Variants in HK1 observed in about 807,000 individuals in gnomAD.
The protein encoded by HK1 is hexokinase 1, also known as hexokinase-1.
HK1 carries 28 observed loss-of-function variants against 91.6 expected under a neutral mutation model. The ratio of observed to expected loss-of-function variants is 0.31; its 90% CI spans 0.23 to 0.42. The LOEUF (loss-of-function observed/expected upper bound fraction) is 0.42, where lower values mean the gene tolerates loss of function less well. Ranked by LOEUF, HK1 falls within the 10% of genes least tolerant of loss-of-function variation. The pLI is 1.00. For synonymous variants in HK1, 430 were observed against 468.1 expected (o/e 0.92, Z 1.05); for missense variants, 770 against 1,219.8 (o/e 0.63, Z 5.49).
At chr10:69,338,710 T>C in intron 1 of HK1, 1 of 998,418 alleles carries the variant, frequency 1.0e-6, no homozygotes, top group South Asian at 1.4e-5. Context: ...TGTGTGTGTG[T>C]AAGTACTTGT....
chr10:69,310,314 G>A (rs1321604926), intron 5 of HK1, among the ~76,000 whole-genome samples: 1 of 151,444 alleles, frequency 6.6e-6, no homozygotes, highest in Non-Finnish European at 1.5e-5. Flanking sequence ...CCAGCTGCTT[G>A]GGAGGCTGAG....
At chr10:69,325,702 A>G (rs1847319045) in intron 1 of HK1, among the ~76,000 whole-genome samples, 1 of 150,630 alleles carries the variant, frequency 6.6e-6, no homozygotes, top group Non-Finnish European at 1.5e-5. Flanking sequence ...ATGCCCGGCT[A>G]ATTTTTGTAT....
chr10:69,277,342 A>G (rs1453096952), intron 1 of HK1, among the ~76,000 whole-genome samples: 1 of 152,008 alleles, frequency 6.6e-6, no homozygotes, highest in Non-Finnish European at 1.5e-5. Context: ...CTGAGGCACG[A>G]GGATTGCTTA....
At position 69,392,121 on chromosome 10, in the gene HK1, C is replaced by G. The variant is rs1024684465; in HGVS notation, c.2036-4C>G. ...GCTCCTCATTGCCCCCTCGTGTGTTCCAGGGACCGGCAGCAATGCCTGCTA... is the reference window on the plus strand; with the variant it reads ...GCTCCTCATTGCCCCCTCGTGTGTTGCAGGGACCGGCAGCAATGCCTGCTA... On this transcript the variant is annotated splice_polypyrimidine_tract_variant and splice_region_variant and intron_variant, in intron 14 of 17. Transcript: ENST00000359426. The G allele has an allele frequency of 1.9e-5, 30 of 1,614,022 alleles. No homozygotes were observed. The highest frequency in any genetic ancestry group is 2.4e-5 in the Non-Finnish European group (28 of 1,180,030).
intron 2 of HK1, among the ~76,000 whole-genome samples, chr10:69,346,551 T>C (rs1219221204): frequency 6.6e-6 from 1 of 152,066 alleles, no homozygotes; most frequent in African/African-American, 2.4e-5. Context: ...TTTTGGTATT[T>C]TGTAGAGATA....
chr10:69,364,789 G>A lies in HK1; in HGVS notation c.382G>A (p.Asp128Asn). Residue 128 changes from aspartate (D) to asparagine (N), a missense_variant, in exon 4 of 18, where the codon GAT becomes AAT. Around this residue, in one of 7 missense-constraint regions of HK1, gnomAD observed 449 missense variants for 665.1 expected, o/e 0.68. Coordinates refer to ENST00000359426, the MANE Select transcript of HK1 (RefSeq NM_000188.3). ...IVHGSGSQLF[D>N]HVAECLGDFM... ...GCTCTCATGTTTCCTTCAGCTTTTTGATCATGTTGCTGAGTGCCTGGGAGA... is the reference window on the plus strand; with the variant it reads ...GCTCTCATGTTTCCTTCAGCTTTTTAATCATGTTGCTGAGTGCCTGGGAGA... 6.2e-7 allele frequency: 1 copy of A among 1,614,130 alleles called. No homozygotes were observed.
At position 69,369,575 on chromosome 10, in the gene HK1, G is replaced by C; in HGVS notation, c.826G>C (p.Glu276Gln). The C allele has an allele frequency of 1.9e-6, 3 of 1,614,242 alleles. No individual in the cohort carries two copies. The highest frequency in any genetic ancestry group is 2.5e-6 in the Non-Finnish European group (3 of 1,180,048). The change falls in exon 7 of 18, where the codon GAG (glutamate) becomes CAG (glutamine). Residue 276 changes from glutamate to glutamine, a missense_variant. This residue lies in a region of HK1 where 449 missense variants were observed against 665.1 expected (regional missense o/e 0.68). Coordinates refer to ENST00000359426, the MANE Select transcript of HK1 (RefSeq NM_000188.3). This position sits in a 1 kb window ranked among gnomAD's most constrained non-coding sequence, Gnocchi z 4.4. Reference sequence around the variant, plus strand: ...TGGATCATTAGAAGACATCCGGACAGAGTTTGACAGGGAGATAGACCGGGG... The same window carrying C: ...TGGATCATTAGAAGACATCCGGACACAGTTTGACAGGGAGATAGACCGGGG... ...DDGSLEDIRTEFDREIDRGSL... is the reference protein window; with the variant it reads ...DDGSLEDIRTQFDREIDRGSL...
intron 7 of HK1, among the ~76,000 whole-genome samples, chr10:69,370,624 A>T (rs1849948593): frequency 6.6e-6 from 1 of 152,080 alleles, no homozygotes; most frequent in Non-Finnish European, 1.5e-5. Context: ...CCCTCCCAAG[A>T]CTTACAATCT....
At chr10:69,353,252 C>T (rs1018140266) in intron 2 of HK1, among the ~76,000 whole-genome samples, 1 of 152,064 alleles carries the variant, frequency 6.6e-6, no homozygotes, top group Non-Finnish European at 1.5e-5. Context: ...AACCAATGGT[C>T]GATGATTTAA....
chr10:69,271,770 CCCGG>C (rs1844182521), intron 1 of HK1, among the ~76,000 whole-genome samples: 1 of 152,160 alleles, frequency 6.6e-6, no homozygotes, highest in Non-Finnish European at 1.5e-5. Context: ...AGCCACTGCA[CCCGG>C]CCTGACAATT....
intron 1 of HK1, among the ~76,000 whole-genome samples, chr10:69,340,886 C>G (rs549060739): frequency 1.3e-5 from 2 of 152,102 alleles, no homozygotes; most frequent in South Asian, 4.1e-4. Context: ...CCAGGCACAC[C>G]GTCTGCTTGT....
At chr10:69,275,949 G>T (rs1844414495) in intron 1 of HK1, among the ~76,000 whole-genome samples, 1 of 150,838 alleles carries the variant, frequency 6.6e-6, no homozygotes, top group African/African-American at 2.4e-5. Flanking sequence ...AATTAGCTGG[G>T]CGTGGTGCCA....
chr10:69,353,418 G>A (rs1417247313), intron 2 of HK1, among the ~76,000 whole-genome samples: 1 of 152,012 alleles, frequency 6.6e-6, no homozygotes, highest in Non-Finnish European at 1.5e-5. Flanking sequence ...GTAAAACCCT[G>A]TCACTACACA....
At chr10:69,318,835 G>C, upstream of HK1, 1 of 1,463,164 alleles carries the variant, frequency 6.8e-7, no homozygotes, top group Non-Finnish European at 9.0e-7. Flanking sequence ...GGAGGAGCCG[G>C]GGGAGGAGGA....
At chr10:69,285,153 G>A (rs1013826390) in intron 2 of HK1, among the ~76,000 whole-genome samples, 5 of 152,108 alleles carry the variant, frequency 3.3e-5, no homozygotes, top group Non-Finnish European at 2.9e-5. Context: ...CAAACAAACA[G>A]GCCGGGCGCG....
intron 2 of HK1, among the ~76,000 whole-genome samples, chr10:69,349,739 G>A (rs1197277752): frequency 6.6e-6 from 1 of 152,194 alleles, no homozygotes; most frequent in Admixed American, 6.5e-5. Flanking sequence ...GAGCCAACCC[G>A]AGGTAAAAGG....
rs142625943 is a variant in HK1 at position 69,384,625 on chromosome 10, C to A, written c.1719+144C>A. On this transcript the variant is annotated intron_variant, in intron 11 of 17. Coordinates refer to ENST00000359426, the MANE Select transcript of HK1 (RefSeq NM_000188.3). ...GAAGCACCAGATGCTTTTTGCCATGCCTGGCTTGTGACACTCTGGTGGCTG... is the reference window on the plus strand; with the variant it reads ...GAAGCACCAGATGCTTTTTGCCATGACTGGCTTGTGACACTCTGGTGGCTG... The A allele has an allele frequency of 4.3e-4, 609 of 1,412,066 alleles. 1 individual carries two copies. The African/African-American group carries it at 7.6e-3, about 18-fold the overall frequency. 87.5% of individuals were successfully genotyped at this position (1,412,066 alleles called of 1,614,324 possible).
chr10:69,307,445 G>A (rs192421758), intron 5 of HK1, among the ~76,000 whole-genome samples: 72 of 152,228 alleles, frequency 4.7e-4, no homozygotes, highest in African/African-American at 1.6e-3. Flanking sequence ...CAGTCTCCTC[G>A]GTGCAGGTTC....
chr10:69,314,256 TCCTGGCAGCA>T (rs1846527183), upstream of HK1, among the ~76,000 whole-genome samples: 1 of 152,226 alleles, frequency 6.6e-6, no homozygotes, highest in Admixed American at 6.5e-5. Flanking sequence ...TGGTCCTCAT[TCCTGGCAGCA>T]CCTGAGTTTC....
Sources: allele counts gnomAD v4.1 joint callset (sites outside exome capture counted in the v4.1 genomes callset), GRCh38; gene constraint gnomAD v4.1.1; regional missense constraint gnomAD v4.1.1; non-coding constraint Gnocchi (gnomAD v3.1); transcripts MANE v1.5; gene names NCBI Gene and HGNC (gene_info 2026-07-23, HGNC 2026-07-21).